RP1: variants seen among roughly 807,000 people sequenced by gnomAD.
The protein encoded by RP1 is RP1 axonemal microtubule associated, also known as oxygen-regulated protein 1.
In RP1, 16 loss-of-function variants were observed where a neutral mutation model predicts 14.8. The ratio of observed to expected loss-of-function variants is 1.08; its 90% CI spans 0.73 to 1.65. RP1 has a LOEUF of 1.65. Among genes scored for constraint, RP1 ranks in the 40% most tolerant of loss-of-function variants. RP1 has a pLI of 0.00. For missense variants in RP1, 2,631 were observed against 2,535.0 expected, an observed-to-expected ratio of 1.04 and a Z score of -0.81; for synonymous variants, 876 against 883.6, an observed-to-expected ratio of 0.99 and a Z score of 0.15.
chr8:54,709,580 C>T (rs1382110056), intron 15 of RP1, among the ~76,000 whole-genome samples: 1 of 152,126 alleles, frequency 6.6e-6, no homozygotes, highest in African/African-American at 2.4e-5. Flanking sequence ...ATGGAGAACC[C>T]AGTGAAATTG....
intron 24 of RP1, among the ~76,000 whole-genome samples, chr8:54,802,034 A>C (rs1810720860): frequency 6.6e-6 from 1 of 152,196 alleles, no homozygotes; most frequent in Admixed American, 6.5e-5. Context: ...TTTTTATAGA[A>C]TTGTAGTCAC....
chr8:54,771,354 G>A (rs79345474), downstream of RP1, among the ~76,000 whole-genome samples: 2,510 of 152,050 alleles, frequency 0.017, 145 homozygotes, highest in East Asian at 0.18. Context: ...GGCATATGTG[G>A]GTAATAAAGG....
At chr8:54,647,497 C>G (rs1205581120) in intron 3 of RP1, among the ~76,000 whole-genome samples, 1 of 151,750 alleles carries the variant, frequency 6.6e-6, no homozygotes, top group East Asian at 1.9e-4. Flanking sequence ...TTAAATCTAG[C>G]CTTTGGTTAT....
At chr8:54,662,810 G>A (rs1806930548) in intron 6 of RP1, among the ~76,000 whole-genome samples, 1 of 152,102 alleles carries the variant, frequency 6.6e-6, no homozygotes, top group South Asian at 2.1e-4. Flanking sequence ...TCCTGCTGCT[G>A]TTCATGTTTT....
At chr8:54,605,273 T>C (rs543096731) in intron 1 of RP1, among the ~76,000 whole-genome samples, 2 of 152,366 alleles carry the variant, frequency 1.3e-5, no homozygotes, top group East Asian at 3.9e-4. Flanking sequence ...AACATCTTTA[T>C]TACTGCCTTC....
intron 27 of RP1, among the ~76,000 whole-genome samples, chr8:54,860,391 A>T (rs1199215568): frequency 1.3e-5 from 2 of 152,158 alleles, no homozygotes; most frequent in African/African-American, 4.8e-5. Context: ...TATTCTTTTA[A>T]CCCAAATACA....
chr8:54,852,631 C>CTAAT lies in RP1; in HGVS notation c.3894_3897dup (p.Val1300Ter), dbSNP rs1270618973. 12 of 1,231,740 alleles carry CTAAT rather than the reference C, an allele frequency of 9.7e-6. No individual in the cohort carries two copies. In the African/African-American group the frequency reaches 1.9e-4, roughly 19 times the overall value. The allele number at this position is 1,231,740 out of a possible 1,614,324, so 76.3% of individuals were successfully genotyped here. A position where few individuals can be genotyped will look rare whatever the true frequency, so the allele number is the denominator to read the frequency against. The stretch of plus-strand genomic sequence containing the variant: ...ACAATGACAGGTGCAGAAACAGAGT[C>CTAAT]TAATGTATTTATCAACCTCATCGGT... On this transcript the variant is annotated frameshift_variant, in exon 26 of 29. Coordinates refer to the RP1 transcript ENST00000637698. LOFTEE classifies it high-confidence loss of function.
intron 19 of RP1, among the ~76,000 whole-genome samples, chr8:54,745,527 T>A (rs933231659): frequency 1.3e-5 from 2 of 152,186 alleles, no homozygotes; most frequent in Non-Finnish European, 2.9e-5. Flanking sequence ...GTGAAACAAC[T>A]AATATTTGCT....
At chr8:54,821,969 C>A (rs892568428) in intron 24 of RP1, among the ~76,000 whole-genome samples, 1 of 152,126 alleles carries the variant, frequency 6.6e-6, no homozygotes. Context: ...GACAGAAGAG[C>A]AAACTTAACA....
intron 1 of RP1, among the ~76,000 whole-genome samples, chr8:54,610,065 G>A (rs894608410): frequency 6.6e-6 from 1 of 151,968 alleles, no homozygotes; most frequent in African/African-American, 2.4e-5. Context: ...GTTTTCTTTT[G>A]CCCCTATGCC....
At chr8:54,646,631 T>C (rs1806556266) in intron 3 of RP1, among the ~76,000 whole-genome samples, 2 of 152,226 alleles carry the variant, frequency 1.3e-5, no homozygotes, top group African/African-American at 4.8e-5. Flanking sequence ...TGGTACTCTG[T>C]TGCAGGGTTA....
chr8:54,673,825 A>G, intron 7 of RP1: 1 of 1,499,258 alleles, frequency 6.7e-7, no homozygotes, highest in East Asian at 2.5e-5. Flanking sequence ...GTCTAGATCT[A>G]ATTATACTTT....
At chr8:54,567,402 A>G (rs1162888894) in intron 1 of RP1, among the ~76,000 whole-genome samples, 1 of 152,216 alleles carries the variant, frequency 6.6e-6, no homozygotes, top group Non-Finnish European at 1.5e-5. Flanking sequence ...TTTAAAGCAT[A>G]ATTCAAAGCT....
chr8:54,572,612 G>T (rs1189516120), intron 1 of RP1, among the ~76,000 whole-genome samples: 2 of 152,202 alleles, frequency 1.3e-5, no homozygotes, highest in African/African-American at 2.4e-5. Context: ...AGTATGAAAA[G>T]AAATTAAATG....
intron 3 of RP1, among the ~76,000 whole-genome samples, chr8:54,641,121 C>T (rs1278020960): frequency 6.6e-6 from 1 of 151,578 alleles, no homozygotes; most frequent in African/African-American, 2.4e-5. Flanking sequence ...ATTTTTTGTA[C>T]TTTTTAGTAG....
intron 12 of RP1, among the ~76,000 whole-genome samples, chr8:54,682,694 A>G (rs906393581): frequency 6.6e-6 from 1 of 152,040 alleles, no homozygotes; most frequent in Non-Finnish European, 1.5e-5. Context: ...GACTCTGAAT[A>G]TTAGACCTTT....
intron 24 of RP1, among the ~76,000 whole-genome samples, chr8:54,792,305 T>C (rs1810482624): frequency 6.6e-6 from 1 of 152,024 alleles, no homozygotes; most frequent in East Asian, 1.9e-4. Context: ...GGATAGATCA[T>C]CCAGATAGAA....
intron 1 of RP1, among the ~76,000 whole-genome samples, chr8:54,569,213 C>G (rs1488686866): frequency 2.0e-5 from 3 of 152,184 alleles, no homozygotes; most frequent in Non-Finnish European, 2.9e-5. Flanking sequence ...TAGGAAGGCA[C>G]ACAGCACACA....
intron 1 of RP1, among the ~76,000 whole-genome samples, chr8:54,603,126 G>C: frequency 6.6e-6 from 1 of 152,170 alleles, no homozygotes; most frequent in Non-Finnish European, 1.5e-5. Context: ...CCTATGTCCT[G>C]AATGGTATTG....
Sources: allele counts gnomAD v4.1 joint callset (sites outside exome capture counted in the v4.1 genomes callset), GRCh38; gene constraint gnomAD v4.1.1; transcripts MANE v1.5; gene names NCBI Gene and HGNC (gene_info 2026-07-23, HGNC 2026-07-21).